SLC22A3: variants seen among roughly 807,000 people sequenced by gnomAD.
The protein encoded by SLC22A3 is EMT organic cation transporter 3.
Under a neutral mutation model 59.1 loss-of-function variants are expected in SLC22A3, and 51 were observed. That is an observed-to-expected ratio of 0.86 (90% CI 0.69 to 1.09). The LOEUF (loss-of-function observed/expected upper bound fraction) is 1.09. Among genes scored for constraint, SLC22A3 ranks in the 50% least tolerant of loss-of-function variants. The probability of loss-of-function intolerance (pLI) is 0.00; values close to 1 mark genes in which losing one functional copy is unlikely to be tolerated. For synonymous variants in SLC22A3, 325 were observed against 292.0 expected (o/e 1.11, Z -1.15); for missense variants, 711 against 726.3 (o/e 0.98, Z 0.24).
intron 1 of SLC22A3, among the ~76,000 whole-genome samples, chr6:160,374,445 C>G (rs1013213177): frequency 6.6e-6 from 1 of 151,958 alleles, no homozygotes; most frequent in African/African-American, 2.4e-5. Context: ...AGAGCTGTTC[C>G]TATTCAGCCA....
chr6:160,378,277 T>C (rs1020420216), intron 1 of SLC22A3, among the ~76,000 whole-genome samples: 8 of 152,242 alleles, frequency 5.3e-5, no homozygotes, highest in Admixed American at 2.6e-4. Context: ...ATACTAAATA[T>C]TTAAATTCTG....
Position 160,371,376 on chromosome 6 carries a change from C to T in SLC22A3, c.429+22528C>T, listed in dbSNP as rs2114774180. On this transcript the variant is annotated intron_variant, in intron 1 of 10. Transcript: ENST00000275300. ...GGCCCTGGTGTGTGATGTTCCCCTC[C>T]CTATGTCCATGTGTTCTCATTGTTC... is the stretch of plus-strand genomic sequence containing the variant. Among the ~76,000 whole-genome samples the T allele has an allele frequency of 1.3e-5, 2 of 152,182 alleles. 1 individual carries two copies. Among genetic ancestry groups the T allele is most frequent in the South Asian group, 4.2e-4 (2 of 4,808 alleles).
intron 4 of SLC22A3, among the ~76,000 whole-genome samples, chr6:160,410,493 G>C (rs1180687593): frequency 1.3e-5 from 2 of 152,154 alleles, no homozygotes; most frequent in Non-Finnish European, 2.9e-5. Context: ...TTTTGCAAGA[G>C]CAATGTCATG....
chr6:160,397,069 T>C (rs1386318613), intron 1 of SLC22A3, among the ~76,000 whole-genome samples: 1 of 152,158 alleles, frequency 6.6e-6, no homozygotes, highest in African/African-American at 2.4e-5. Flanking sequence ...TCATACTCTA[T>C]TGCAGCCATC....
chr6:160,360,604 A>T (rs966835269), intron 1 of SLC22A3, among the ~76,000 whole-genome samples: 6 of 152,262 alleles, frequency 3.9e-5, no homozygotes, highest in African/African-American at 7.2e-5. Context: ...AAAGTCCAGC[A>T]TTAGTCAAAT....
At chr6:160,381,739 T>C (rs1293695322) in intron 1 of SLC22A3, among the ~76,000 whole-genome samples, 1 of 152,198 alleles carries the variant, frequency 6.6e-6, no homozygotes, top group Non-Finnish European at 1.5e-5. Flanking sequence ...CCATGATTTT[T>C]CTACCAATGG....
chr6:160,365,081 A>G (rs1785160515), intron 1 of SLC22A3, among the ~76,000 whole-genome samples: 1 of 152,112 alleles, frequency 6.6e-6, no homozygotes, highest in African/African-American at 2.4e-5. Context: ...TGATTCATGA[A>G]CCATTAAGTT....
At chr6:160,377,530 T>G (rs1365422873) in intron 1 of SLC22A3, among the ~76,000 whole-genome samples, 1 of 151,890 alleles carries the variant, frequency 6.6e-6, no homozygotes, top group African/African-American at 2.4e-5. Context: ...AGCTTCCATC[T>G]CCAGGTTGAC....
intron 5 of SLC22A3, among the ~76,000 whole-genome samples, chr6:160,425,559 T>C (rs1787918548): frequency 6.6e-6 from 1 of 152,176 alleles, no homozygotes; most frequent in African/African-American, 2.4e-5. Context: ...TCCCTCCCAA[T>C]AATAGGTCTT....
chr6:160,445,902 C>A (rs546989355), intron 9 of SLC22A3, among the ~76,000 whole-genome samples: 40 of 152,298 alleles, frequency 2.6e-4, no homozygotes, highest in African/African-American at 9.6e-4. Context: ...AGGCTCAACA[C>A]CGCTGAGCTC....
At chr6:160,392,531 G>A (rs894211714) in intron 1 of SLC22A3, among the ~76,000 whole-genome samples, 5 of 152,112 alleles carry the variant, frequency 3.3e-5, no homozygotes, top group South Asian at 2.1e-4. Context: ...CAGCCTTCTC[G>A]GCATAATGCC....
chr6:160,443,100 C>G (rs772134683), intron 8 of SLC22A3, among the ~76,000 whole-genome samples: 35 of 152,318 alleles, frequency 2.3e-4, no homozygotes, highest in Non-Finnish European at 4.3e-4. Flanking sequence ...CACACTGTTA[C>G]GGTTTTGAGG....
At chr6:160,422,750 G>A (rs940174462) in intron 5 of SLC22A3, among the ~76,000 whole-genome samples, 2 of 149,140 alleles carry the variant, frequency 1.3e-5, no homozygotes, top group African/African-American at 4.9e-5. Context: ...GGATTTAGAT[G>A]ATGTTAGGGA....
Position 160,437,103 on chromosome 6 carries a change from G to A in SLC22A3, c.1180G>A (p.Ala394Thr), listed in dbSNP as rs774359486. The change falls in exon 7 of 11, where the codon GCT becomes ACT. Residue 394 changes from alanine to threonine, a missense_variant. Transcript: ENST00000275300. ...CTCGGGCGTGGTGGAACTGCCAGGA[G>A]CTCTCTTGATCTTACTAACCATTGA... Reference protein sequence around the residue: ...FISGVVELPGALLILLTIERL... With the variant: ...FISGVVELPGTLLILLTIERL... 6.2e-7 allele frequency: 1 copy of A among 1,614,158 alleles called. No homozygotes were observed. Among genetic ancestry groups the A allele is most frequent in the African/African-American group, 1.3e-5 (1 of 75,050 alleles).
At chr6:160,368,316 T>C (rs1785277976) in intron 1 of SLC22A3, among the ~76,000 whole-genome samples, 1 of 152,210 alleles carries the variant, frequency 6.6e-6, no homozygotes, top group South Asian at 2.1e-4. Context: ...GTTATAATAC[T>C]GCCCCCTGTT....
At chr6:160,438,379 A>C (rs984294627) in intron 7 of SLC22A3, among the ~76,000 whole-genome samples, 4 of 152,176 alleles carry the variant, frequency 2.6e-5, no homozygotes, top group African/African-American at 9.7e-5. Flanking sequence ...TGGATTCTCC[A>C]GGCATCCTTT....
chr6:160,362,285 CCA>C (rs1785040317), intron 1 of SLC22A3, among the ~76,000 whole-genome samples: 2 of 152,228 alleles, frequency 1.3e-5, no homozygotes, highest in South Asian at 4.1e-4. Flanking sequence ...TTTGGGCAAT[CCA>C]CAGTTTGTAG....
chr6:160,367,908 A>T (rs894975334), intron 1 of SLC22A3, among the ~76,000 whole-genome samples: 9 of 151,814 alleles, frequency 5.9e-5, no homozygotes, highest in South Asian at 4.2e-4. Flanking sequence ...TTCCTCCTCC[A>T]TCCAGCCTAG....
chr6:160,358,724 C>T lies in SLC22A3; in HGVS notation c.429+9876C>T, dbSNP rs769852089. 6.2e-4 allele frequency among the ~76,000 whole-genome samples: 94 copies of T among 152,242 alleles called. 1 individual carries two copies. The highest frequency in any genetic ancestry group is 1.2e-3 in the Admixed American group (19 of 15,286). ...AAGGTCCTGGGCACATGCCAGTTCC[C>T]TCCTTCTTGCTCTTTGTCACTAACT... On this transcript the variant is annotated intron_variant, in intron 1 of 10. Transcript: ENST00000275300.
Sources: allele counts gnomAD v4.1 joint callset (sites outside exome capture counted in the v4.1 genomes callset), GRCh38; gene constraint gnomAD v4.1.1; transcripts MANE v1.5; gene names NCBI Gene and HGNC (gene_info 2026-07-23, HGNC 2026-07-21).